Variants in SLC71A2 observed in about 807,000 individuals in gnomAD.
SLC71A2 encodes the protein solute carrier family 71 member 2.
chr9:94,458,637 T>C, the SLC71A2 span, among the ~76,000 whole-genome samples: 1 of 149,982 alleles, frequency 6.7e-6, no homozygotes, highest in South Asian at 2.1e-4. Flanking sequence ...TTTTAGTGAT[T>C]TAATATCTTA....
chr9:94,433,592 A>C, the SLC71A2 span, among the ~76,000 whole-genome samples: 1 of 151,102 alleles, frequency 6.6e-6, no homozygotes, highest in Non-Finnish European at 1.5e-5. Context: ...CTGGATACAT[A>C]AACAAGTGAA....
At chr9:94,416,453 T>A in the SLC71A2 span, among the ~76,000 whole-genome samples, 1 of 152,226 alleles carries the variant, frequency 6.6e-6, no homozygotes, top group South Asian at 2.1e-4. Flanking sequence ...TGTTCTTAAA[T>A]AAGGTTTAGA....
At chr9:94,449,434 T>C in the SLC71A2 span, among the ~76,000 whole-genome samples, 1,220 of 152,270 alleles carry the variant, frequency 8.0e-3, 18 homozygotes, top group African/African-American at 0.028. Flanking sequence ...GTTGAAAAGA[T>C]AGGCAAAGGA....
At chr9:94,410,507 C>A in the SLC71A2 span, among the ~76,000 whole-genome samples, 1 of 151,956 alleles carries the variant, frequency 6.6e-6, no homozygotes, top group Non-Finnish European at 1.5e-5. Context: ...ACTACAGGTG[C>A]ACACCACCGC....
chr9:94,444,073 A>AT, the SLC71A2 span, among the ~76,000 whole-genome samples: 1 of 152,182 alleles, frequency 6.6e-6, no homozygotes, highest in South Asian at 2.1e-4. Context: ...AGAATTTTTT[A>AT]TTGCCAGAAA....
At chr9:94,392,581 A>G in the SLC71A2 span, among the ~76,000 whole-genome samples, 5 of 151,220 alleles carry the variant, frequency 3.3e-5, no homozygotes, top group South Asian at 2.1e-4. Flanking sequence ...GCTTACTGCA[A>G]CCTCCGCCTC....
the SLC71A2 span, among the ~76,000 whole-genome samples, chr9:94,411,932 T>G: frequency 6.6e-6 from 1 of 152,228 alleles, no homozygotes; most frequent in South Asian, 2.1e-4. Context: ...GCTTTGTGCA[T>G]ATGGCACCTC....
the SLC71A2 span, among the ~76,000 whole-genome samples, chr9:94,424,066 G>T: frequency 1.3e-5 from 2 of 152,114 alleles, no homozygotes; most frequent in Non-Finnish European, 2.9e-5. Context: ...AGTTGAACCA[G>T]CATCATTTAT....
chr9:94,431,552 A>G, the SLC71A2 span, among the ~76,000 whole-genome samples: 1 of 152,036 alleles, frequency 6.6e-6, no homozygotes, highest in East Asian at 1.9e-4. Context: ...TTTACTAAAG[A>G]AAAGCCAAGT....
chr9:94,434,154 A>C, the SLC71A2 span, among the ~76,000 whole-genome samples: 1 of 152,242 alleles, frequency 6.6e-6, no homozygotes, highest in Non-Finnish European at 1.5e-5. Context: ...ATTTAGCAAA[A>C]AATATTCTAC....
chr9:94,447,033 A>C, the SLC71A2 span: 1 of 663,192 alleles, frequency 1.5e-6, no homozygotes, highest in Non-Finnish European at 2.7e-6. Context: ...AGAGGAAAAA[A>C]CATGTGAACT....
At chr9:94,443,800 T>C in the SLC71A2 span, among the ~76,000 whole-genome samples, 3 of 152,174 alleles carry the variant, frequency 2.0e-5, no homozygotes, top group Admixed American at 6.5e-5. Flanking sequence ...CGTTGCAGTT[T>C]ATAATGCAGT....
At chr9:94,374,738 T>G in the SLC71A2 span, 2 of 181,804 alleles carry the variant, frequency 1.1e-5, no homozygotes, top group Non-Finnish European at 2.2e-5. Flanking sequence ...GCAGAGCCCA[T>G]GAGGGCGCGG....
At chr9:94,459,492 CTGGA>C in the SLC71A2 span, 1 of 1,508,458 alleles carries the variant, frequency 6.6e-7, no homozygotes, top group Non-Finnish European at 9.0e-7. Context: ...CTTCATGGTG[CTGGA>C]TGGGAGACGC....
At chr9:94,420,536 C>T in the SLC71A2 span, among the ~76,000 whole-genome samples, 2 of 151,700 alleles carry the variant, frequency 1.3e-5, no homozygotes, top group East Asian at 3.9e-4. Context: ...TTTATACTGT[C>T]ATGTCAAATG....
At chr9:94,378,681 A>T in the SLC71A2 span, among the ~76,000 whole-genome samples, 4 of 152,188 alleles carry the variant, frequency 2.6e-5, no homozygotes, top group Admixed American at 6.5e-5. Context: ...TGTGAGAAGG[A>T]CACCAAACAA....
chr9:94,379,089 C>CTTTTTTTTTTTTTTTTTTTTTTTT, the SLC71A2 span, among the ~76,000 whole-genome samples: 1 of 84,110 alleles, frequency 1.2e-5, no homozygotes, highest in African/African-American at 4.5e-5. Context: ...TGTGCATTTC[C>CTTTTTTTTTTTTTTTTTTTTTTTT]TTTTTTTTTT....
At chr9:94,425,573 G>GT in the SLC71A2 span, among the ~76,000 whole-genome samples, 2 of 152,170 alleles carry the variant, frequency 1.3e-5, no homozygotes, top group Admixed American at 6.5e-5. Flanking sequence ...AGATGAGCCA[G>GT]TTTATCGATC....
the SLC71A2 span, among the ~76,000 whole-genome samples, chr9:94,394,919 T>TTG: frequency 1.9e-5 from 1 of 52,040 alleles, no homozygotes; most frequent in South Asian, 7.5e-4. Context: ...TTTTTTGTTT[T>TTG]TTTTTTTTTT....
Sources: allele counts gnomAD v4.1 joint callset (sites outside exome capture counted in the v4.1 genomes callset), GRCh38; gene constraint gnomAD v4.1.1; transcripts MANE v1.5; gene names NCBI Gene and HGNC (gene_info 2026-07-23, HGNC 2026-07-21).